ATG5: variants seen among roughly 807,000 people sequenced by gnomAD.
The protein encoded by ATG5 is autophagy protein 5.
Under a neutral mutation model 36.5 loss-of-function variants are expected in ATG5, and 14 were observed. That is an observed-to-expected ratio of 0.38 (90% confidence interval 0.25 to 0.60). The LOEUF (loss-of-function observed/expected upper bound fraction) is 0.60, where lower values mean the gene tolerates loss of function less well. Ranked by LOEUF, ATG5 falls within the 20% of genes least tolerant of loss-of-function variation. The pLI is 0.60. For missense variants in ATG5, 195 were observed against 326.7 expected (o/e 0.60, Z 3.11); for synonymous variants, 95 against 101.5 (o/e 0.94, Z 0.38).
intron 4 of ATG5, among the ~76,000 whole-genome samples, chr6:106,291,575 T>C (rs898175537): frequency 6.6e-6 from 1 of 151,326 alleles, no homozygotes; most frequent in Non-Finnish European, 1.5e-5. Context: ...AGTGAATAAA[T>C]AAACAAGGAG....
chr6:106,247,215 C>T (rs1778374423), intron 6 of ATG5, among the ~76,000 whole-genome samples: 1 of 152,104 alleles, frequency 6.6e-6, no homozygotes, highest in South Asian at 2.1e-4. Flanking sequence ...GAATGGAAGT[C>T]CTACTAGATT....
At chr6:106,279,115 A>G (rs1779776342) in intron 5 of ATG5, among the ~76,000 whole-genome samples, 1 of 152,346 alleles carries the variant, frequency 6.6e-6, no homozygotes, top group South Asian at 2.1e-4. Flanking sequence ...TGATCAATGC[A>G]GGCAAGATCA....
chr6:106,255,101 T>C (rs986250190), intron 5 of ATG5, among the ~76,000 whole-genome samples: 3 of 152,188 alleles, frequency 2.0e-5, no homozygotes, highest in African/African-American at 4.8e-5. Context: ...ACTGCATTCA[T>C]CTCCAGCCAT....
At chr6:106,251,466 T>C (rs1186135203) in intron 5 of ATG5, among the ~76,000 whole-genome samples, 1 of 150,442 alleles carries the variant, frequency 6.6e-6, no homozygotes, top group Non-Finnish European at 1.5e-5. Context: ...ACATAAAACT[T>C]AGCCTGCTTA....
chr6:106,257,660 T>C (rs1253365506), intron 5 of ATG5, among the ~76,000 whole-genome samples: 1 of 152,234 alleles, frequency 6.6e-6, no homozygotes, highest in Non-Finnish European at 1.5e-5. Context: ...TGGTAATATT[T>C]ATCTAATTCT....
At chr6:106,312,338 G>C (rs1021885902) in intron 2 of ATG5, among the ~76,000 whole-genome samples, 5 of 152,138 alleles carry the variant, frequency 3.3e-5, no homozygotes, top group Non-Finnish European at 7.4e-5. Context: ...AAATAATGCA[G>C]AGGACCAGAT....
chr6:106,286,197 C>G (rs1484392058), intron 4 of ATG5, among the ~76,000 whole-genome samples: 1 of 152,198 alleles, frequency 6.6e-6, no homozygotes, highest in African/African-American at 2.4e-5. Flanking sequence ...CAAGTTCCAA[C>G]CACTTCAGCA....
At chr6:106,313,151 G>C (rs1770715467) in intron 2 of ATG5, among the ~76,000 whole-genome samples, 1 of 152,230 alleles carries the variant, frequency 6.6e-6, no homozygotes, top group Non-Finnish European at 1.5e-5. Context: ...GCTGGGCCTT[G>C]CCTAGAAGGA....
intron 5 of ATG5, among the ~76,000 whole-genome samples, chr6:106,262,706 G>A (rs1779073087): frequency 6.6e-6 from 1 of 152,080 alleles, no homozygotes; most frequent in African/African-American, 2.4e-5. Flanking sequence ...ACCCATGGAG[G>A]GTGACCAGAA....
intron 4 of ATG5, among the ~76,000 whole-genome samples, chr6:106,291,715 C>T (rs1008448362): frequency 9.2e-5 from 14 of 152,332 alleles, no homozygotes; most frequent in African/African-American, 3.1e-4. Flanking sequence ...CACCCCTACC[C>T]TTAATATGTT....
At chr6:106,238,519 C>G (rs982847701) in intron 6 of ATG5, among the ~76,000 whole-genome samples, 1 of 152,202 alleles carries the variant, frequency 6.6e-6, no homozygotes, top group African/African-American at 2.4e-5. Flanking sequence ...CTCTCCTGAG[C>G]TAAGCAGCTC....
At chr6:106,254,020 CCTTACTAA>C (rs1207575048) in intron 5 of ATG5, among the ~76,000 whole-genome samples, 1 of 152,158 alleles carries the variant, frequency 6.6e-6, no homozygotes, top group Non-Finnish European at 1.5e-5. Context: ...TCACTGTCTA[CCTTACTAA>C]CTTACTAAGT....
At chr6:106,220,496 A>G (rs1476260873) in intron 6 of ATG5, among the ~76,000 whole-genome samples, 2 of 152,228 alleles carry the variant, frequency 1.3e-5, no homozygotes, top group East Asian at 3.8e-4. Flanking sequence ...ACCCAGGCTC[A>G]GGTTAGAAAT....
At chr6:106,222,595 G>A (rs556023163) in intron 6 of ATG5, among the ~76,000 whole-genome samples, 9 of 152,154 alleles carry the variant, frequency 5.9e-5, no homozygotes, top group Middle Eastern at 3.2e-3. Context: ...GTGAAAACTG[G>A]AGAACAGTCT....
chr6:106,297,717 A>AACAC (rs56336702), intron 3 of ATG5, among the ~76,000 whole-genome samples: 11,692 of 135,240 alleles, frequency 0.086, 492 homozygotes, highest in South Asian at 0.14. Flanking sequence ...AAATGACTTA[A>AACAC]ACACACACAC....
At chr6:106,197,935 A>G (rs1420435887) in intron 7 of ATG5, among the ~76,000 whole-genome samples, 1 of 152,232 alleles carries the variant, frequency 6.6e-6, no homozygotes, top group East Asian at 1.9e-4. Context: ...GAAATGAGTA[A>G]CTGAAAGCCA....
intron 6 of ATG5, among the ~76,000 whole-genome samples, chr6:106,238,766 ATAAG>A (rs1283119697): frequency 4.6e-5 from 7 of 152,228 alleles, no homozygotes; most frequent in African/African-American, 1.7e-4. Context: ...CAAATGCTAA[ATAAG>A]TATCTTTGAA....
chr6:106,273,531 C>T (rs1177624004), intron 5 of ATG5, among the ~76,000 whole-genome samples: 1 of 152,088 alleles, frequency 6.6e-6, no homozygotes, highest in African/African-American at 2.4e-5. Flanking sequence ...GCATTACCAC[C>T]TTCGTATTTG....
In ATG5 at chr6:106,308,488, G is replaced by T; in HGVS notation, c.112C>A (p.Leu38Ile). The change falls in exon 3 of 8, where the codon CTT (leucine) becomes ATT (isoleucine). Residue 38 changes from leucine (L) to isoleucine (I), a missense_variant. Physicochemically the swap from Leu to Ile is conservative, Grantham distance 5. Coordinates refer to ENST00000369076, the MANE Select transcript of ATG5 (RefSeq NM_004849.4). ...TEREAEPYYLLLPRVSYLTLV... is the reference protein window; with the variant it reads ...TEREAEPYYLILPRVSYLTLV... Reference sequence around the variant, plus strand: ...GTCAAATAACTTACTCTTGGCAAAAGCAACTGAAATGAAAATTTGTAAAAC... The same window carrying T: ...GTCAAATAACTTACTCTTGGCAAAATCAACTGAAATGAAAATTTGTAAAAC... 6.5e-7 allele frequency: 1 copy of T among 1,550,068 alleles called. No individual in the cohort carries two copies. Among genetic ancestry groups the T allele is most frequent in the Non-Finnish European group, 8.7e-7 (1 of 1,151,902 alleles).
Sources: gnomAD v4.1 joint callset for allele counts (sites outside exome capture counted in the v4.1 genomes callset) on GRCh38, gnomAD v4.1.1 for gene constraint, MANE v1.5 for transcripts, NCBI Gene and HGNC (gene_info 2026-07-23, HGNC 2026-07-21) for gene names.